Variants in HCN4 observed in about 807,000 individuals in gnomAD.
HCN4 encodes potassium/sodium hyperpolarization-activated cyclic nucleotide-gated channel 4.
HCN4 carries 29 observed loss-of-function variants against 76.9 expected under a neutral mutation model. That is an observed-to-expected ratio of 0.38 (90% CI 0.28 to 0.51). The LOEUF is 0.51. Ranked by LOEUF, HCN4 falls within the 20% of genes least tolerant of loss-of-function variation. The pLI is 0.90. For missense variants in HCN4, 1,416 were observed against 1,715.2 expected, an observed-to-expected ratio of 0.83 and a Z score of 3.08; for synonymous variants, 772 against 762.5, an observed-to-expected ratio of 1.01 and a Z score of -0.21.
At chr15:73,353,985 G>T (rs1339126585) in intron 1 of HCN4, among the ~76,000 whole-genome samples, 1 of 152,026 alleles carries the variant, frequency 6.6e-6, no homozygotes, top group Non-Finnish European at 1.5e-5. Flanking sequence ...GGCCACTAGG[G>T]CTCTATTTTT....
At chr15:73,345,013 CA>C (rs893415707) in intron 1 of HCN4, among the ~76,000 whole-genome samples, 8 of 152,200 alleles carry the variant, frequency 5.3e-5, no homozygotes, top group African/African-American at 1.9e-4. Flanking sequence ...TGTCTTCTCC[CA>C]GGAGAAATAA....
chr15:73,338,140 G>C (rs935494392), intron 2 of HCN4, among the ~76,000 whole-genome samples: 1 of 152,218 alleles, frequency 6.6e-6, no homozygotes, highest in Non-Finnish European at 1.5e-5. Context: ...TGGTTGCCGA[G>C]AACAAGGCTG....
chr15:73,368,526 G>C lies in HCN4; in HGVS notation c.-256C>G, dbSNP rs1270159567. The C allele has an allele frequency of 6.5e-6, 2 of 306,464 alleles. No homozygotes were observed. Among genetic ancestry groups the C allele is most frequent in the African/African-American group, 2.2e-5 (1 of 45,614 alleles). 19.0% of individuals were successfully genotyped at this position (306,464 alleles called of 1,614,324 possible). A position where few individuals can be genotyped will look rare whatever the true frequency, so the allele number is the denominator to read the frequency against. On this transcript the variant is annotated 5_prime_UTR_variant, in exon 1 of 8. Transcript: ENST00000261917. The surrounding 1 kb of genome is among the most constrained non-coding windows in gnomAD (Gnocchi z 6.9). ...CGCGGGGACCCCGCGCTCCCTTCTT[G>C]CCTCCCTCCCTCCCTCTGGCGTTCA...
chr15:73,343,285 T>C lies in HCN4; in HGVS notation c.1209+100A>G, dbSNP rs2043015451. The C allele has an allele frequency of 5.0e-6, 6 of 1,190,598 alleles. No homozygotes were observed. Among genetic ancestry groups the C allele is most frequent in the Non-Finnish European group, 6.1e-6 (5 of 816,704 alleles). 73.8% of individuals were successfully genotyped at this position (1,190,598 alleles called of 1,614,324 possible). A position where few individuals can be genotyped will look rare whatever the true frequency, so the allele number is the denominator to read the frequency against. On this transcript the variant is annotated intron_variant, in intron 2 of 7. Transcript: ENST00000261917. The surrounding 1 kb of genome is among the most constrained non-coding windows in gnomAD (Gnocchi z 5.7). ...CTTGGAGCAGGTGTGCCTGCCACAA[T>C]CTGACAGCCTATGTTCAATTATCTG...
At position 73,357,984 on chromosome 15, in the gene HCN4, T is replaced by G. The variant is rs147555387; in HGVS notation, c.785+9502A>C. 1.6e-3 allele frequency among the ~76,000 whole-genome samples: 239 copies of G among 152,260 alleles called. 1 individual carries two copies. Among genetic ancestry groups the G allele is most frequent in the Admixed American group, 0.014 (217 of 15,294 alleles). ...TCTATTTGTGCTAATGGGGTCAGGA[T>G]TCAGGGCTCAATACCTATTTGGCCA... On this transcript the variant is annotated intron_variant, in intron 1 of 7. Transcript: ENST00000261917.
Position 73,320,687 on chromosome 15 carries a change from T to TATC in HCN4, c.*1791_*1793dup, listed in dbSNP as rs1476498988. 1 of 152,212 alleles carries TATC rather than the reference T, an allele frequency of 6.6e-6. No individual in the cohort carries two copies. The highest frequency in any genetic ancestry group is 2.1e-4 in the South Asian group (1 of 4,826). The allele number at this position is 152,212 out of a possible 1,614,324, so 9.4% of individuals were successfully genotyped here. Reference sequence around the variant, plus strand: ...ACTAAGCCCAGACAATCCCTTACCCTATCACCCAAGGCCGTCCCTCTGACC... The same window carrying TATC: ...ACTAAGCCCAGACAATCCCTTACCCTATCATCACCCAAGGCCGTCCCTCTGACC... On this transcript the variant is annotated 3_prime_UTR_variant, in exon 8 of 8. Coordinates refer to ENST00000261917, the MANE Select transcript of HCN4 (RefSeq NM_005477.3).
chr15:73,340,813 G>A (rs2042996849), intron 2 of HCN4, among the ~76,000 whole-genome samples: 1 of 152,228 alleles, frequency 6.6e-6, no homozygotes, highest in African/African-American at 2.4e-5. Context: ...GTCCCCCATG[G>A]AGGGGCCCCA....
chr15:73,335,893 A>G (rs1479864667), intron 2 of HCN4, among the ~76,000 whole-genome samples: 2 of 152,094 alleles, frequency 1.3e-5, no homozygotes, highest in Non-Finnish European at 2.9e-5. Flanking sequence ...AGAAAGACCC[A>G]AATGTCTATG....
chr15:73,326,402 C>G (rs549993371), intron 4 of HCN4, among the ~76,000 whole-genome samples: 2 of 152,296 alleles, frequency 1.3e-5, no homozygotes, highest in Admixed American at 1.3e-4. Context: ...TTCCAGCCAC[C>G]CTGGCCTCTG....
chr15:73,334,795 G>A (rs1338336184), intron 2 of HCN4, among the ~76,000 whole-genome samples: 1 of 152,158 alleles, frequency 6.6e-6, no homozygotes, highest in African/African-American at 2.4e-5. Flanking sequence ...ATAGACGCAA[G>A]GGTGGGGCCA....
At chr15:73,349,647 C>T (rs959183520) in intron 1 of HCN4, among the ~76,000 whole-genome samples, 1 of 152,192 alleles carries the variant, frequency 6.6e-6, no homozygotes, top group Non-Finnish European at 1.5e-5. Context: ...CCAGACCCCA[C>T]TGCCTCCCCG....
chr15:73,328,427 A>G lies in HCN4; in HGVS notation c.1590+1146T>C, dbSNP rs1005437430. ...AAAACATGCTGAGGAGTTAATCTAC[A>G]TCTTCAGAGCAACGTGAAGTCCCTG... On this transcript the variant is annotated intron_variant, in intron 4 of 7. Transcript: ENST00000261917. The surrounding 1 kb of genome is among the most constrained non-coding windows in gnomAD (Gnocchi z 4.0). Among the ~76,000 whole-genome samples the G allele has an allele frequency of 2.0e-5, 3 of 151,974 alleles. No individual in the cohort carries two copies. Among genetic ancestry groups the G allele is most frequent in the African/African-American group, 7.3e-5 (3 of 41,356 alleles).
chr15:73,322,958 G>A lies in HCN4; in HGVS notation c.3135C>T (p.Ala1045=), dbSNP rs1342751732. The A allele has an allele frequency of 4.9e-6, 7 of 1,421,888 alleles. No homozygotes were observed. The East Asian group carries it at 7.3e-5, about 15-fold the overall frequency. The allele number at this position is 1,421,888 out of a possible 1,614,324, so 88.1% of individuals were successfully genotyped here. A position where few individuals can be genotyped will look rare whatever the true frequency, so the allele number is the denominator to read the frequency against. ...GGAGCAAGGATCCGTGGGAGCCAGAGGCCCGGGGCGGGGCACTCGGGAAGG... is the reference window on the plus strand; with the variant it reads ...GGAGCAAGGATCCGTGGGAGCCAGAAGCCCGGGGCGGGGCACTCGGGAAGG... ...PRTFPSAPPR[A]SGSHGSLLLP... is the part of the protein sequence containing the mutation. Residue 1045 remains alanine (A), a synonymous_variant, in exon 8 of 8, where the codon GCC becomes GCT. Coordinates refer to ENST00000261917, the MANE Select transcript of HCN4 (RefSeq NM_005477.3).
At chr15:73,347,077 C>T (rs549808793) in intron 1 of HCN4, among the ~76,000 whole-genome samples, 14 of 152,218 alleles carry the variant, frequency 9.2e-5, no homozygotes, top group Non-Finnish European at 1.8e-4. Flanking sequence ...AGCATTTTTA[C>T]TGGGGCTCCT....
chr15:73,355,523 G>A (rs1375210269), intron 1 of HCN4, among the ~76,000 whole-genome samples: 2 of 152,156 alleles, frequency 1.3e-5, no homozygotes, highest in African/African-American at 2.4e-5. Context: ...CATCCTGAAC[G>A]CCAGCTTGAG....
At chr15:73,352,357 C>T (rs532616640) in intron 1 of HCN4, among the ~76,000 whole-genome samples, 3 of 152,134 alleles carry the variant, frequency 2.0e-5, no homozygotes, top group African/African-American at 4.8e-5. Context: ...CACAAGCCTC[C>T]GACAATCAGG....
At chr15:73,334,258 G>A (rs1165120839) in intron 2 of HCN4, among the ~76,000 whole-genome samples, 1 of 152,172 alleles carries the variant, frequency 6.6e-6, no homozygotes, top group African/African-American at 2.4e-5. Context: ...AAGGAATGGT[G>A]GGCCCTGGAG....
rs2042864270 is a variant in HCN4 at position 73,322,360 on chromosome 15, T to G, written c.*121A>C. ...TATTTTCTGCTGTCTTTTGTTTTTC[T>G]GGTGTGTGTGGTTTTTTAAATAATT... On this transcript the variant is annotated 3_prime_UTR_variant, in exon 8 of 8. Transcript: ENST00000261917. 2 of 882,804 alleles carry G rather than the reference T, an allele frequency of 2.3e-6. No homozygotes were observed. Among genetic ancestry groups the G allele is most frequent in the Non-Finnish European group, 3.6e-6 (2 of 549,100 alleles). The allele number at this position is 882,804 out of a possible 1,614,324, so 54.7% of individuals were successfully genotyped here.
chr15:73,364,102 C>T (rs1442919509), intron 1 of HCN4, among the ~76,000 whole-genome samples: 1 of 152,196 alleles, frequency 6.6e-6, no homozygotes, highest in African/African-American at 2.4e-5. Flanking sequence ...CCCCCGTCTT[C>T]CCTTCCTCAT....
Sources: gnomAD v4.1 joint callset for allele counts (sites outside exome capture counted in the v4.1 genomes callset) on GRCh38, gnomAD v4.1.1 for gene constraint, Gnocchi (gnomAD v3.1) non-coding constraint, MANE v1.5 for transcripts, NCBI Gene and HGNC (gene_info 2026-07-23, HGNC 2026-07-21) for gene names.